Variants in ITGA4 observed in about 807,000 individuals in gnomAD.
ITGA4 encodes integrin subunit alpha 4.
A neutral mutation model predicts 133.6 loss-of-function variants in ITGA4; 63 were observed. The observed-to-expected ratio is 0.47, with a 90% CI of 0.38 to 0.58. The LOEUF is 0.58. ITGA4 is among the 20% of genes least tolerant of loss of function. The pLI is 0.00. For missense variants in ITGA4, 1,076 were observed against 1,252.7 expected (o/e 0.86, Z 2.13); for synonymous variants, 483 against 438.0 (o/e 1.10, Z -1.28).
At chr2:181,504,110 T>C (rs1210974726) in intron 15 of ITGA4, among the ~76,000 whole-genome samples, 1 of 152,050 alleles carries the variant, frequency 6.6e-6, no homozygotes, top group African/African-American at 2.4e-5. Context: ...GCAATGAGAT[T>C]TCCTGTTTGT....
intron 25 of ITGA4, among the ~76,000 whole-genome samples, chr2:181,533,850 C>T (rs182617928): frequency 7.9e-5 from 12 of 152,194 alleles, no homozygotes; most frequent in African/African-American, 2.2e-4. Context: ...ATGGATTCTG[C>T]GTTATAAAAT....
chr2:181,523,656 G>T lies in ITGA4; in HGVS notation c.2169+124G>T, dbSNP rs1686768748. The stretch of plus-strand genomic sequence containing the variant: ...AGCTTGGGGTAGGTAGCTGAGTGAT[G>T]AAATAAAACTGGTTCTTGAAATCTT... On this transcript the variant is annotated intron_variant, in intron 19 of 27. Transcript: ENST00000397033. The surrounding 1 kb of genome is among the most constrained non-coding windows in gnomAD (Gnocchi z 4.2). 1 of 573,550 alleles carries T rather than the reference G, an allele frequency of 1.7e-6. No homozygotes were observed. The highest frequency in any genetic ancestry group is 2.4e-5 in the South Asian group (1 of 42,370). 35.5% of individuals were successfully genotyped at this position (573,550 alleles called of 1,614,324 possible).
rs1249114468 is a variant in ITGA4, at chr2:181,522,311, G to A, written c.2043G>A (p.Val681=). 1 of 1,607,552 alleles carries A rather than the reference G, an allele frequency of 6.2e-7. No homozygotes were observed. Among genetic ancestry groups the A allele is most frequent in the South Asian group, 1.1e-5 (1 of 89,964 alleles). The stretch of plus-strand genomic sequence containing the variant: ...CGACTCTACATGTCAAACTACCCGT[G>A]GGTCTTTATTTCATTAAGATTTTAG... ...YETTLHVKLP[V]GLYFIKILEL... The change falls in exon 18 of 28, where the codon GTG becomes GTA. Residue 681 remains valine, a synonymous_variant. Transcript: ENST00000397033.
intron 2 of ITGA4, among the ~76,000 whole-genome samples, chr2:181,461,235 G>T (rs944831690): frequency 2.0e-5 from 3 of 148,142 alleles, no homozygotes; most frequent in Admixed American, 6.8e-5. Flanking sequence ...CGTTAGGCAT[G>T]AGATACCCCT....
chr2:181,533,201 A>G (rs1285425248), intron 25 of ITGA4, among the ~76,000 whole-genome samples: 4 of 152,176 alleles, frequency 2.6e-5, no homozygotes, highest in Non-Finnish European at 5.9e-5. Context: ...GATAAATGAG[A>G]TGATTTTTAT....
rs1282627449 is a variant in ITGA4, at chr2:181,538,164, C to A, written c.*2637C>A. 3 of 1,503,640 alleles carry A rather than the reference C, an allele frequency of 2.0e-6. No homozygotes were observed. The highest frequency in any genetic ancestry group is 1.7e-5 in the Admixed American group (1 of 59,554). The allele number at this position is 1,503,640 out of a possible 1,614,324, so 93.1% of individuals were successfully genotyped here. On this transcript the variant is annotated 3_prime_UTR_variant, in exon 28 of 28. Transcript: ENST00000397033. ...TATTAAAATTCTAGTTTGTACATTTCTTTTAGAAACAATTACATGTTACTT... is the reference window on the plus strand; with the variant it reads ...TATTAAAATTCTAGTTTGTACATTTATTTTAGAAACAATTACATGTTACTT...
chr2:181,494,508 G>A (rs1188392962), intron 11 of ITGA4, among the ~76,000 whole-genome samples: 4 of 152,074 alleles, frequency 2.6e-5, no homozygotes, highest in Non-Finnish European at 2.9e-5. Flanking sequence ...CCCTTTGCTC[G>A]CAAAGTAAAT....
chr2:181,460,808 G>A (rs563434789), intron 2 of ITGA4, among the ~76,000 whole-genome samples: 2 of 152,014 alleles, frequency 1.3e-5, no homozygotes, highest in East Asian at 3.8e-4. Flanking sequence ...TGAACCAAAA[G>A]TTTAAAAATT....
chr2:181,476,046 C>T, intron 4 of ITGA4: 1 of 669,024 alleles, frequency 1.5e-6, no homozygotes, highest in Non-Finnish European at 2.2e-6. Context: ...AAACTTTGGC[C>T]AAGTATTTGA....
At chr2:181,483,540 A>G (rs1163911012) in intron 9 of ITGA4, among the ~76,000 whole-genome samples, 1 of 152,236 alleles carries the variant, frequency 6.6e-6, no homozygotes, top group African/African-American at 2.4e-5. Context: ...AAGTTCTTAT[A>G]TTAAGCATCA....
intron 2 of ITGA4, among the ~76,000 whole-genome samples, chr2:181,465,452 A>G (rs540085845): frequency 1.3e-4 from 19 of 151,942 alleles, no homozygotes; most frequent in African/African-American, 4.6e-4. Flanking sequence ...TACCCTGTGG[A>G]TTCCAAAACC....
At chr2:181,466,336 CAATTATATAAACTGTTTCTCACATA>C (rs1229491652) in intron 2 of ITGA4, among the ~76,000 whole-genome samples, 3 of 152,012 alleles carry the variant, frequency 2.0e-5, no homozygotes, top group South Asian at 4.2e-4. Flanking sequence ...TTCAGGACTA[CAATTATATAAACTGTTTCTCACATA>C]AATTGAGCAT....
At chr2:181,468,234 A>G (rs3770132) in intron 2 of ITGA4, among the ~76,000 whole-genome samples, 14,291 of 152,228 alleles carry the variant, frequency 0.094, 899 homozygotes, top group East Asian at 0.21. Flanking sequence ...AAACTCAGAG[A>G]CTGTTTCCTT....
chr2:181,469,303 A>G (rs1685491531), intron 2 of ITGA4, among the ~76,000 whole-genome samples: 1 of 152,210 alleles, frequency 6.6e-6, no homozygotes. Context: ...AAGAAAAGGC[A>G]TAACCATCTG....
Position 181,457,592 on chromosome 2 carries a change from T to C in ITGA4, c.-63T>C. On this transcript the variant is annotated 5_prime_UTR_variant, in exon 1 of 28. Transcript: ENST00000397033. ...GGCGTTCTTCCCCGTTGGCCAACCG[T>C]CGCATCCCGTGCAACTTTGGGGTAG... The C allele has an allele frequency of 6.7e-7, 1 of 1,482,614 alleles. No homozygotes were observed. The highest frequency in any genetic ancestry group is 9.2e-7 in the Non-Finnish European group (1 of 1,088,682). The allele number at this position is 1,482,614 out of a possible 1,614,324, so 91.8% of individuals were successfully genotyped here.
At chr2:181,524,147 G>T in intron 19 of ITGA4, 24 bp from the exon 20 acceptor site, 1 of 1,498,758 alleles carries the variant, frequency 6.7e-7, no homozygotes, top group Non-Finnish European at 9.1e-7. Context: ...TTTTTAATGG[G>T]CTTTCCTGGT....
intron 21 of ITGA4, among the ~76,000 whole-genome samples, chr2:181,526,183 G>A (rs1049998348): frequency 6.6e-6 from 1 of 152,158 alleles, no homozygotes; most frequent in Non-Finnish European, 1.5e-5. Context: ...AGAGAATCAC[G>A]AGTAAGCAAA....
intron 15 of ITGA4, among the ~76,000 whole-genome samples, chr2:181,503,823 T>A (rs1168635625): frequency 1.6e-4 from 1 of 6,334 alleles, no homozygotes; most frequent in Admixed American, 4.1e-3. Context: ...TGTAAGTATA[T>A]GAAAATCTTT....
chr2:181,477,058 C>T (rs1301131729), intron 4 of ITGA4, among the ~76,000 whole-genome samples: 1 of 152,092 alleles, frequency 6.6e-6, no homozygotes, highest in Non-Finnish European at 1.5e-5. Flanking sequence ...ATAATCTGTA[C>T]ATCAAACCCC....
Sources: gnomAD v4.1 joint callset for allele counts (sites outside exome capture counted in the v4.1 genomes callset) on GRCh38, gnomAD v4.1.1 for gene constraint, Gnocchi (gnomAD v3.1) non-coding constraint, MANE v1.5 for transcripts, NCBI Gene and HGNC (gene_info 2026-07-23, HGNC 2026-07-21) for gene names.